Variants in SELENOI observed in about 807,000 individuals in gnomAD.
SELENOI encodes the protein selenoprotein I, also known as ethanolaminephosphotransferase 1.
SELENOI carries 24 observed loss-of-function variants against 50.7 expected under a neutral mutation model. That is an observed-to-expected ratio of 0.47 (90% CI 0.34 to 0.67). The LOEUF (loss-of-function observed/expected upper bound fraction) is 0.67. Ranked by LOEUF, SELENOI falls within the 30% of genes least tolerant of loss-of-function variation. The pLI is 0.01. For missense variants in SELENOI, 352 were observed against 461.4 expected (o/e 0.76, Z 2.17); for synonymous variants, 155 against 170.2 (o/e 0.91, Z 0.70).
chr2:26,348,995 GCTTTTTTTT>G (rs1676887869), intron 1 of SELENOI, among the ~76,000 whole-genome samples: 1 of 86,904 alleles, frequency 1.2e-5, no homozygotes, highest in Non-Finnish European at 2.5e-5. Context: ...TTTTGGACAG[GCTTTTTTTT>G]TTTTTTTTTT....
intron 1 of SELENOI, among the ~76,000 whole-genome samples, chr2:26,363,158 T>TAA (rs1677217541): frequency 6.6e-6 from 1 of 152,226 alleles, no homozygotes; most frequent in African/African-American, 2.4e-5. Flanking sequence ...GTCATTCCTT[T>TAA]GGTACTTAAA....
chr2:26,385,666 G>C (rs1677823278), intron 8 of SELENOI, among the ~76,000 whole-genome samples: 1 of 152,194 alleles, frequency 6.6e-6, no homozygotes, highest in South Asian at 2.1e-4. Context: ...ATCAGGAGTT[G>C]AGAAAAGACT....
rs542969683 is a variant in SELENOI, at chr2:26,376,621, T to G, written c.682+1473T>G. On this transcript the variant is annotated intron_variant, in intron 6 of 9. Coordinates refer to ENST00000260585, the MANE Select transcript of SELENOI (RefSeq NM_033505.4). ...AATGCACCAGTACTCTTTAGCCCCC[T>G]GCTTAGCCCCCGGGTTGTGTTATAA... 6.6e-5 allele frequency among the ~76,000 whole-genome samples: 10 copies of G among 152,344 alleles called. No individual in the cohort carries two copies. In the South Asian group the frequency reaches 2.1e-3, roughly 32 times the overall value.
chr2:26,371,133 G>C (rs574583302), intron 4 of SELENOI, among the ~76,000 whole-genome samples: 1 of 149,766 alleles, frequency 6.7e-6, no homozygotes. Flanking sequence ...TCCCGGACGG[G>C]GCGGCTGGGC....
intron 8 of SELENOI, among the ~76,000 whole-genome samples, chr2:26,385,847 G>C (rs1677827524): frequency 6.6e-6 from 1 of 152,136 alleles, no homozygotes; most frequent in South Asian, 2.1e-4. Context: ...CTAATGCATT[G>C]TATAAAAAGT....
At chr2:26,346,553 C>T (rs1676770992) in intron 1 of SELENOI, 1 of 369,794 alleles carries the variant, frequency 2.7e-6, no homozygotes, top group Non-Finnish European at 4.8e-6. Context: ...GAGGGAATTC[C>T]CTTCCTATTT....
chr2:26,348,849 A>G (rs1676883136), intron 1 of SELENOI, among the ~76,000 whole-genome samples: 1 of 151,708 alleles, frequency 6.6e-6, no homozygotes, highest in Non-Finnish European at 1.5e-5. Context: ...CTGGATATTG[A>G]AAGGGTGCTT....
intron 6 of SELENOI, among the ~76,000 whole-genome samples, chr2:26,377,835 C>CT (rs1166143007): frequency 1.3e-5 from 2 of 151,522 alleles, no homozygotes; most frequent in Non-Finnish European, 1.5e-5. Flanking sequence ...CTGTTGACTG[C>CT]TTTTTTTTCT....
In SELENOI at chr2:26,386,662, G is replaced by T. The variant is rs186876913; in HGVS notation, c.1095+126G>T. 5 of 738,338 alleles carry T rather than the reference G, an allele frequency of 6.8e-6. No homozygotes were observed. In the African/African-American group the frequency reaches 7.4e-5, roughly 11 times the overall value. 45.7% of individuals were successfully genotyped at this position (738,338 alleles called of 1,614,324 possible). On this transcript the variant is annotated intron_variant, in intron 9 of 9. Coordinates refer to ENST00000260585, the MANE Select transcript of SELENOI (RefSeq NM_033505.4). The stretch of plus-strand genomic sequence containing the variant: ...AGTTGCTTATTATAGTAGCTGTAAG[G>T]GTTTTGGGATATTCTCTAAATTTTG...
At chr2:26,346,640 G>A (rs1676776883) in intron 1 of SELENOI, 1 of 180,802 alleles carries the variant, frequency 5.5e-6, no homozygotes, top group Non-Finnish European at 1.2e-5. Context: ...TCATTTTAGT[G>A]AAGTTTCCAC....
chr2:26,390,446 CTGTG>C lies in SELENOI; in HGVS notation c.*1345_*1348del, dbSNP rs899530676. The C allele has an allele frequency of 1.3e-5, 2 of 152,580 alleles. No individual in the cohort carries two copies. The highest frequency in any genetic ancestry group is 4.8e-5 in the African/African-American group (2 of 41,462). The allele number at this position is 152,580 out of a possible 1,614,324, so 9.5% of individuals were successfully genotyped here. A position where few individuals can be genotyped will look rare whatever the true frequency, so the allele number is the denominator to read the frequency against. Reference sequence around the variant, plus strand: ...CTGCACTTGGATAAAATAGGCACCACTGTGTTGATATGTAATTAAATTCATAACT... The same window carrying C: ...CTGCACTTGGATAAAATAGGCACCACTTGATATGTAATTAAATTCATAACT... On this transcript the variant is annotated 3_prime_UTR_variant, in exon 10 of 10. Transcript: ENST00000260585.
chr2:26,353,938 C>T (rs1353308117), intron 1 of SELENOI, among the ~76,000 whole-genome samples: 1 of 152,082 alleles, frequency 6.6e-6, no homozygotes, highest in Non-Finnish European at 1.5e-5. Flanking sequence ...TTCAAAGACA[C>T]CCGTGGGAAC....
At position 26,373,634 on chromosome 2, in the gene SELENOI, G is replaced by A; in HGVS notation, c.573+5G>A. 1 of 1,613,066 alleles carries A rather than the reference G, an allele frequency of 6.2e-7. No homozygotes were observed. Among genetic ancestry groups the A allele is most frequent in the Non-Finnish European group, 8.5e-7 (1 of 1,179,398 alleles). ...GGATATGACATTAGCCAGGTGGTAA[G>A]TATGTGTTCTACCTTAAATTTTCAG... On this transcript the variant is annotated splice_donor_5th_base_variant and intron_variant, in intron 5 of 9. Coordinates refer to ENST00000260585, the MANE Select transcript of SELENOI (RefSeq NM_033505.4).
intron 6 of SELENOI, among the ~76,000 whole-genome samples, chr2:26,375,909 C>T (rs975154470): frequency 1.3e-5 from 2 of 151,842 alleles, no homozygotes; most frequent in African/African-American, 4.8e-5. Flanking sequence ...GGGTTTGAGA[C>T]CAGCTTGGGC....
intron 1 of SELENOI, among the ~76,000 whole-genome samples, chr2:26,356,681 G>T (rs950638966): frequency 2.0e-5 from 3 of 152,094 alleles, no homozygotes; most frequent in African/African-American, 7.2e-5. Context: ...TCTCTAGTTT[G>T]TACTTTACCC....
At chr2:26,386,655 C>G in intron 9 of SELENOI, 119 bp downstream of exon 9, 1 of 806,392 alleles carries the variant, frequency 1.2e-6, no homozygotes, top group Non-Finnish European at 1.8e-6. Flanking sequence ...ATTATAGTAG[C>G]TGTAAGGGTT....
chr2:26,385,342 C>A (rs1230198519), intron 8 of SELENOI, among the ~76,000 whole-genome samples: 1 of 152,108 alleles, frequency 6.6e-6, no homozygotes, highest in African/African-American at 2.4e-5. Flanking sequence ...GGATTGGAGA[C>A]TACAGTAGTA....
At chr2:26,379,008 C>A (rs1208772687) in intron 6 of SELENOI, among the ~76,000 whole-genome samples, 1 of 152,182 alleles carries the variant, frequency 6.6e-6, no homozygotes, top group Non-Finnish European at 1.5e-5. Flanking sequence ...GGTGCTGTGG[C>A]TCACACCTAT....
In SELENOI at chr2:26,383,479, T is replaced by A. The variant is rs13030294; in HGVS notation, c.731+132T>A. 286,102 of 628,304 alleles carry A rather than the reference T, an allele frequency of 0.46. 70,619 individuals are homozygous for A. The highest frequency in any genetic ancestry group is 0.52 in the Non-Finnish European group (190,887 of 367,470). 38.9% of individuals were successfully genotyped at this position (628,304 alleles called of 1,614,324 possible). A position where few individuals can be genotyped will look rare whatever the true frequency, so the allele number is the denominator to read the frequency against. On this transcript the variant is annotated intron_variant, in intron 7 of 9. Coordinates refer to ENST00000260585, the MANE Select transcript of SELENOI (RefSeq NM_033505.4). ...GTCACAAAACCTATATTTTAAATCT[T>A]TAATGGGGTAGGATAGTTTAGGGTG...
Sources: allele counts gnomAD v4.1 joint callset (sites outside exome capture counted in the v4.1 genomes callset), GRCh38; gene constraint gnomAD v4.1.1; transcripts MANE v1.5; gene names NCBI Gene and HGNC (gene_info 2026-07-23, HGNC 2026-07-21).